Variants in SOHLH1 observed in about 807,000 individuals in gnomAD.
The protein encoded by SOHLH1 is spermatogenesis- and oogenesis-specific basic helix-loop-helix-containing protein 1.
SOHLH1 carries 23 observed loss-of-function variants against 36.2 expected under a neutral mutation model. The observed-to-expected ratio is 0.64, with a 90% CI of 0.46 to 0.90. SOHLH1 has a LOEUF of 0.90. Ranked by LOEUF, SOHLH1 falls within the 40% of genes least tolerant of loss-of-function variation. The pLI, the probability that SOHLH1 is intolerant of heterozygous loss-of-function variation, is 0.00. For synonymous variants in SOHLH1, 289 were observed against 228.3 expected, an observed-to-expected ratio of 1.27 and a Z score of -2.40; for missense variants, 608 against 517.0, an observed-to-expected ratio of 1.18 and a Z score of -1.71.
chr9:135,699,703 ACT>A (rs1463723689), upstream of SOHLH1, among the ~76,000 whole-genome samples: 1 of 148,640 alleles, frequency 6.7e-6, no homozygotes, highest in Non-Finnish European at 1.5e-5. Flanking sequence ...GGGTCCACCC[ACT>A]CTATGCCCCC....
At chr9:135,694,925 G>A (rs1321834540) in intron 6 of SOHLH1, 125 bp downstream of exon 6, 1 of 1,104,320 alleles carries the variant, frequency 9.1e-7, no homozygotes, top group Non-Finnish European at 1.3e-6. Flanking sequence ...GGGCACAGAA[G>A]CAGAGACGGA....
Position 135,693,543 on chromosome 9 carries a change from A to G in SOHLH1, c.*54T>C. Reference sequence around the variant, plus strand: ...AAATGCCCAAGCACGCGACAGGGACACACACGGCTCCAGATCCACCGGCCC... The same window carrying G: ...AAATGCCCAAGCACGCGACAGGGACGCACACGGCTCCAGATCCACCGGCCC... On this transcript the variant is annotated 3_prime_UTR_variant, in exon 8 of 8. Transcript: ENST00000425225. 6.6e-7 allele frequency: 1 copy of G among 1,514,162 alleles called. No homozygotes were observed. The highest frequency in any genetic ancestry group is 8.9e-7 in the Non-Finnish European group (1 of 1,123,196). 93.8% of individuals were successfully genotyped at this position (1,514,162 alleles called of 1,614,324 possible).
intron 3 of SOHLH1, among the ~76,000 whole-genome samples, chr9:135,697,914 G>A (rs1369973441): frequency 6.6e-6 from 1 of 152,050 alleles, no homozygotes; most frequent in Admixed American, 6.5e-5. Context: ...CAGGTCCTCA[G>A]CCCCAGCACT....
chr9:135,696,567 C>CG, intron 5 of SOHLH1, 45 bp downstream of exon 5: 1 of 1,603,354 alleles, frequency 6.2e-7, no homozygotes, highest in Non-Finnish European at 8.5e-7. Flanking sequence ...AGCCTGGCGC[C>CG]GCTCCCCAGG....
At chr9:135,700,606 C>G (rs549420700), upstream of SOHLH1, among the ~76,000 whole-genome samples, 6 of 152,282 alleles carry the variant, frequency 3.9e-5, no homozygotes, top group African/African-American at 1.4e-4. Flanking sequence ...GTCCGGGGTG[C>G]CCCAGTCTCC....
chr9:135,701,137 ACCC>A (rs1012492146), upstream of SOHLH1, among the ~76,000 whole-genome samples: 4 of 150,970 alleles, frequency 2.6e-5, no homozygotes, highest in Non-Finnish European at 5.9e-5. Context: ...CTGAGGAAAA[ACCC>A]CCAAGATGCC....
chr9:135,700,299 C>G (rs551923588), upstream of SOHLH1, among the ~76,000 whole-genome samples: 3 of 152,200 alleles, frequency 2.0e-5, no homozygotes, highest in African/African-American at 7.2e-5. Context: ...CTCACCTCCC[C>G]GCTGAACTCC....
rs140132974 is a variant in SOHLH1 at position 135,697,628 on chromosome 9, C to T, written c.346-1G>A. On this transcript the variant is annotated splice_acceptor_variant, in intron 3 of 7. Transcript: ENST00000425225. LOFTEE classifies it high-confidence loss of function. ...ACATTTCCTTGGAGGAAGCAAGAATCTGAAATTTAAGTAAACATGTAAAAC... is the reference window on the plus strand; with the variant it reads ...ACATTTCCTTGGAGGAAGCAAGAATTTGAAATTTAAGTAAACATGTAAAAC... The T allele has an allele frequency of 1.3e-3, 2,135 of 1,610,880 alleles. 18 individuals carry two copies. The highest frequency in any genetic ancestry group is 0.01 in the East Asian group (457 of 44,818).
Position 135,699,057 on chromosome 9 carries a change from A to AGG in SOHLH1, c.133_134dup (p.Thr46LeufsTer15). ...AGGAGCTGGGACCCTCGGCCACCGT[A>AGG]GGGGCCTTGGGCGGGCCCGAGCCCC... On this transcript the variant is annotated frameshift_variant, in exon 2 of 8. Coordinates refer to ENST00000425225, the MANE Select transcript of SOHLH1 (RefSeq NM_001101677.2). LOFTEE classifies it high-confidence loss of function. The AGG allele has an allele frequency of 6.2e-7, 1 of 1,611,220 alleles. No individual in the cohort carries two copies. The highest frequency in any genetic ancestry group is 8.5e-7 in the Non-Finnish European group (1 of 1,179,664).
intron 4 of SOHLH1, 74 bp downstream of exon 4, chr9:135,697,432 C>T: frequency 6.3e-7 from 1 of 1,576,726 alleles, no homozygotes; most frequent in East Asian, 2.3e-5. Flanking sequence ...CTCCCGAGGA[C>T]ATGCCAGGGG....
rs181550818 is a variant in SOHLH1 at position 135,697,595 on chromosome 9, C to A, written c.378G>T (p.Ser126=). 6.2e-7 allele frequency: 1 copy of A among 1,612,382 alleles called. No homozygotes were observed. Among genetic ancestry groups the A allele is most frequent in the Admixed American group, 1.7e-5 (1 of 60,004 alleles). The stretch of plus-strand genomic sequence containing the variant: ...TCAACTGTAAAACATCCTCCTGCAA[C>A]GAGTGCCACATTTCCTTGGAGGAAG... ...ILASSKEMWH[S]LQEDVLQLTL... Residue 126 remains serine (S), a synonymous_variant, in exon 4 of 8, where the codon TCG becomes TCT. Coordinates refer to ENST00000425225, the MANE Select transcript of SOHLH1 (RefSeq NM_001101677.2).
chr9:135,693,655 G>A lies in SOHLH1; in HGVS notation c.1106C>T (p.Ala369Val). 1 of 1,588,110 alleles carries A rather than the reference G, an allele frequency of 6.3e-7. No individual in the cohort carries two copies. The highest frequency in any genetic ancestry group is 1.2e-5 in the South Asian group (1 of 86,638). Residue 369 changes from alanine to valine, a missense_variant, in exon 8 of 8, where the codon GCA (alanine) becomes GTA (valine). Coordinates refer to ENST00000425225, the MANE Select transcript of SOHLH1 (RefSeq NM_001101677.2). ...LEPWGLDVDC[A>V]GLALKDEVES... is the part of the protein sequence containing the mutation. ...CACCTCGTCCTTCAGGGCCAGGCCT[G>A]CACAGTCCACATCCAGGCCCCACGG...
At chr9:135,701,993 T>C (rs1231514917), upstream of SOHLH1, among the ~76,000 whole-genome samples, 2 of 151,804 alleles carry the variant, frequency 1.3e-5, no homozygotes, top group Non-Finnish European at 2.9e-5. Flanking sequence ...TTTTTCGGAG[T>C]TTTGAGGGCT....
chr9:135,694,509 A>G, intron 6 of SOHLH1, 52 bp from the exon 7 acceptor site: 1 of 1,601,944 alleles, frequency 6.2e-7, no homozygotes, highest in Non-Finnish European at 8.5e-7. Context: ...CAGACCTTGG[A>G]GCTCAAGGAA....
chr9:135,699,478 C>T lies in SOHLH1; in HGVS notation c.-11G>A, dbSNP rs1464004592. On this transcript the variant is annotated 5_prime_UTR_variant, in exon 1 of 8. Transcript: ENST00000425225. ...GCACCGGGACGCCATGAACTCGCAG[C>T]TGCGGAGCGACCCCACGCGCACGGC... 1 of 1,611,322 alleles carries T rather than the reference C, an allele frequency of 6.2e-7. No homozygotes were observed.
intron 7 of SOHLH1, 145 bp downstream of exon 7, chr9:135,694,242 A>G: frequency 1.3e-6 from 2 of 1,501,330 alleles, no homozygotes; most frequent in Non-Finnish European, 1.8e-6. Flanking sequence ...ACGGCCCAAC[A>G]GCTAAGCACC....
At chr9:135,699,640 G>A (rs116973147), upstream of SOHLH1, 10,486 of 680,228 alleles carry the variant, frequency 0.015, 127 homozygotes, top group Middle Eastern at 0.023. Flanking sequence ...CAGCCAGCCC[G>A]GGGCCCACGT....
intron 7 of SOHLH1, 104 bp downstream of exon 7, chr9:135,694,283 G>T: frequency 6.3e-7 from 1 of 1,584,168 alleles, no homozygotes; most frequent in South Asian, 1.1e-5. Flanking sequence ...CTCAGACACA[G>T]ACCCTGGGGC....
Position 135,693,533 on chromosome 9 carries a change from C to A in SOHLH1, c.*64G>T. On this transcript the variant is annotated 3_prime_UTR_variant, in exon 8 of 8. Transcript: ENST00000425225. ...ACCCAAAATAAAATGCCCAAGCACG[C>A]GACAGGGACACACACGGCTCCAGAT... 6.7e-7 allele frequency: 1 copy of A among 1,501,992 alleles called. No individual in the cohort carries two copies. Among genetic ancestry groups the A allele is most frequent in the South Asian group, 1.3e-5 (1 of 78,176 alleles). 93.0% of individuals were successfully genotyped at this position (1,501,992 alleles called of 1,614,324 possible).
Sources: allele counts gnomAD v4.1 joint callset (sites outside exome capture counted in the v4.1 genomes callset), GRCh38; gene constraint gnomAD v4.1.1; transcripts MANE v1.5; gene names NCBI Gene and HGNC (gene_info 2026-07-23, HGNC 2026-07-21).